Variants in DGKB observed in about 807,000 individuals in gnomAD.
DGKB encodes 90 kDa diacylglycerol kinase.
Under a neutral mutation model 114.3 loss-of-function variants are expected in DGKB, and 67 were observed. The ratio of observed to expected loss-of-function variants is 0.59; its 90% CI spans 0.48 to 0.72. The LOEUF (loss-of-function observed/expected upper bound fraction) is 0.72. DGKB is among the 30% of genes least tolerant of loss of function. The pLI, the probability that DGKB is intolerant of heterozygous loss-of-function variation, is 0.00. For synonymous variants in DGKB, 398 were observed against 323.1 expected, an observed-to-expected ratio of 1.23 and a Z score of -2.49; for missense variants, 907 against 975.2, an observed-to-expected ratio of 0.93 and a Z score of 0.93.
chr7:14,634,481 TACAC>T (rs34758174), intron 13 of DGKB, among the ~76,000 whole-genome samples: 8,513 of 145,200 alleles, frequency 0.059, 530 homozygotes, highest in East Asian at 0.25. Context: ...TACAAAGTGA[TACAC>T]ACACACACAC....
intron 1 of DGKB, among the ~76,000 whole-genome samples, chr7:14,875,758 G>C (rs1465856643): frequency 6.6e-6 from 1 of 152,004 alleles, no homozygotes; most frequent in Non-Finnish European, 1.5e-5. Context: ...GCCCAGGACA[G>C]TTTTGGTTGT....
intron 1 of DGKB, among the ~76,000 whole-genome samples, chr7:14,937,307 G>T (rs1460248284): frequency 6.6e-6 from 1 of 151,796 alleles, no homozygotes; most frequent in Non-Finnish European, 1.5e-5. Flanking sequence ...CCTATAAAAA[G>T]ACGCTCTCCT....
intron 23 of DGKB, among the ~76,000 whole-genome samples, chr7:14,237,229 G>A (rs1792942903): frequency 6.6e-6 from 1 of 151,892 alleles, no homozygotes; most frequent in South Asian, 2.1e-4. Context: ...TATTATTTAT[G>A]TATAAATGTG....
At chr7:14,358,645 T>A (rs1169830484) in intron 21 of DGKB, among the ~76,000 whole-genome samples, 1 of 152,106 alleles carries the variant, frequency 6.6e-6, no homozygotes, top group African/African-American at 2.4e-5. Context: ...TCACAAGCAT[T>A]CCTATACACC....
intron 25 of DGKB, among the ~76,000 whole-genome samples, chr7:14,162,000 G>GAAAC (rs1372943433): frequency 6.6e-6 from 1 of 152,100 alleles, no homozygotes; most frequent in Non-Finnish European, 1.5e-5. Flanking sequence ...AGATCCCTGT[G>GAAAC]AAACAGTGGA....
rs148591450 is a variant in DGKB, at chr7:14,685,992, T to G, written c.712-630A>C. The stretch of plus-strand genomic sequence containing the variant: ...AATAGTATATTTTAAAAGGCAAACT[T>G]TTTAAAGGATTTCATTATGTTACCA... On this transcript the variant is annotated intron_variant, in intron 9 of 25. Transcript: ENST00000402815. Among the ~76,000 whole-genome samples, 71 of 152,278 alleles carry G rather than the reference T, an allele frequency of 4.7e-4. 1 individual carries two copies. In the East Asian group the frequency reaches 0.013, roughly 27 times the overall value.
intron 13 of DGKB, among the ~76,000 whole-genome samples, chr7:14,660,198 T>C (rs1816745705): frequency 6.6e-6 from 1 of 151,970 alleles, no homozygotes; most frequent in South Asian, 2.1e-4. Context: ...AATTCTCTTT[T>C]TTGGTTGTGT....
intron 13 of DGKB, among the ~76,000 whole-genome samples, chr7:14,630,609 T>A (rs900586488): frequency 2.6e-5 from 4 of 152,022 alleles, no homozygotes; most frequent in Non-Finnish European, 5.9e-5. Flanking sequence ...TTTGCCCCTT[T>A]ACCCATCCCA....
At chr7:14,938,908 G>T (rs1414479000) in intron 1 of DGKB, among the ~76,000 whole-genome samples, 2 of 152,012 alleles carry the variant, frequency 1.3e-5, no homozygotes, top group East Asian at 3.9e-4. Flanking sequence ...GTATGACCTT[G>T]GTCATGTGAT....
intron 21 of DGKB, among the ~76,000 whole-genome samples, chr7:14,426,332 G>A (rs1034239804): frequency 6.6e-5 from 10 of 152,234 alleles, no homozygotes; most frequent in Middle Eastern, 3.4e-3. Context: ...GCCATGCAGC[G>A]TACATGTGAG....
chr7:14,305,305 T>C (rs1026227723), intron 23 of DGKB, among the ~76,000 whole-genome samples: 1 of 152,184 alleles, frequency 6.6e-6, no homozygotes, highest in African/African-American at 2.4e-5. Context: ...TCTCAGCCTT[T>C]GGTAAACACC....
intron 6 of DGKB, among the ~76,000 whole-genome samples, chr7:14,709,289 T>C (rs1826899694): frequency 6.7e-6 from 1 of 149,662 alleles, no homozygotes; most frequent in African/African-American, 2.4e-5. Flanking sequence ...CCAGTTAGAA[T>C]GGCAGTCATT....
chr7:14,560,014 G>A (rs1796427264), intron 20 of DGKB, among the ~76,000 whole-genome samples: 1 of 148,642 alleles, frequency 6.7e-6, no homozygotes, highest in Non-Finnish European at 1.5e-5. Flanking sequence ...ATTTAAGTGT[G>A]GAGAAACATT....
At chr7:14,213,868 G>A (rs913869952) in intron 23 of DGKB, among the ~76,000 whole-genome samples, 18 of 152,120 alleles carry the variant, frequency 1.2e-4, no homozygotes, top group Middle Eastern at 3.2e-3. Context: ...ATAAGTGATA[G>A]TAATAAATGT....
intron 2 of DGKB, among the ~76,000 whole-genome samples, chr7:14,769,761 C>G (rs953591077): frequency 6.6e-6 from 1 of 152,018 alleles, no homozygotes; most frequent in Admixed American, 6.6e-5. Context: ...CCTCTAGTTT[C>G]TGGTGGCTGC....
At chr7:14,519,777 T>A (rs1789442910) in intron 20 of DGKB, among the ~76,000 whole-genome samples, 1 of 152,014 alleles carries the variant, frequency 6.6e-6, no homozygotes, top group South Asian at 2.1e-4. Context: ...TCTTTGTAAT[T>A]TTAATTTGCA....
At chr7:14,736,547 T>C (rs1482261097) in intron 4 of DGKB, among the ~76,000 whole-genome samples, 1 of 152,178 alleles carries the variant, frequency 6.6e-6, no homozygotes, top group African/African-American at 2.4e-5. Flanking sequence ...TTGCAGTGAT[T>C]AAATCAGGCG....
chr7:14,174,146 G>C (rs1230121530), intron 25 of DGKB, among the ~76,000 whole-genome samples: 2 of 152,238 alleles, frequency 1.3e-5, no homozygotes, highest in East Asian at 3.9e-4. Flanking sequence ...ACTCTGGAGG[G>C]AGATTTCCAG....
At chr7:14,408,306 A>T (rs1235606684) in intron 21 of DGKB, among the ~76,000 whole-genome samples, 1 of 152,080 alleles carries the variant, frequency 6.6e-6, no homozygotes, top group Non-Finnish European at 1.5e-5. Context: ...ATTATCATGG[A>T]AGTACTTCGG....
Sources: allele counts gnomAD v4.1 joint callset (sites outside exome capture counted in the v4.1 genomes callset), GRCh38; gene constraint gnomAD v4.1.1; transcripts MANE v1.5; gene names NCBI Gene and HGNC (gene_info 2026-07-23, HGNC 2026-07-21).